The following NEO1 variants were observed in gnomAD, a reference collection of about 807,000 sequenced individuals.
NEO1 encodes the protein neogenin.
Under a neutral mutation model 159.7 loss-of-function variants are expected in NEO1, and 63 were observed. That is an observed-to-expected ratio of 0.39 (90% CI 0.32 to 0.49). The LOEUF is 0.49. Ranked by LOEUF, NEO1 falls within the 20% of genes least tolerant of loss-of-function variation. The pLI, the probability that NEO1 is intolerant of heterozygous loss-of-function variation, is 0.85. For missense variants in NEO1, 1,615 were observed against 1,831.0 expected, an observed-to-expected ratio of 0.88 and a Z score of 2.15; for synonymous variants, 633 against 662.0, an observed-to-expected ratio of 0.96 and a Z score of 0.67.
intron 5 of NEO1, among the ~76,000 whole-genome samples, chr15:73,148,128 G>A (rs2033080313): frequency 6.6e-6 from 1 of 152,020 alleles, no homozygotes; most frequent in Admixed American, 6.6e-5. Flanking sequence ...TGTTTTTCAT[G>A]TAGTATTTAC....
At chr15:73,092,866 C>T (rs1417537774) in intron 1 of NEO1, among the ~76,000 whole-genome samples, 1 of 152,148 alleles carries the variant, frequency 6.6e-6, no homozygotes, top group African/African-American at 2.4e-5. Context: ...ATTAGTAAAC[C>T]TATATTGATA....
intron 2 of NEO1, among the ~76,000 whole-genome samples, chr15:73,122,108 AT>A (rs2071700053): frequency 1.5e-5 from 1 of 68,946 alleles, no homozygotes; most frequent in Non-Finnish European, 2.9e-5. Flanking sequence ...CATTATATAT[AT>A]TATATATATG....
intron 1 of NEO1, among the ~76,000 whole-genome samples, chr15:73,062,389 TACGTAATTA>T (rs941598623): frequency 1.4e-4 from 22 of 152,212 alleles, no homozygotes; most frequent in African/African-American, 5.1e-4. Context: ...ATATAGATAA[TACGTAATTA>T]AGAATAGGAA....
In NEO1 at chr15:73,211,004, A is replaced by G. The variant is rs192888585; in HGVS notation, c.1292-25343A>G. Reference sequence around the variant, plus strand: ...AGAAAACGAATGTCATAACATAAAAATACATAAACATTTTTTACAATGACC... The same window carrying G: ...AGAAAACGAATGTCATAACATAAAAGTACATAAACATTTTTTACAATGACC... On this transcript the variant is annotated intron_variant, in intron 7 of 28. Coordinates refer to ENST00000261908, the MANE Select transcript of NEO1 (RefSeq NM_002499.4). 9.6e-4 allele frequency among the ~76,000 whole-genome samples: 146 copies of G among 152,358 alleles called. 1 individual carries two copies. The highest frequency in any genetic ancestry group is 3.2e-3 in the African/African-American group (134 of 41,594).
At chr15:73,215,943 T>A (rs930982460) in intron 7 of NEO1, among the ~76,000 whole-genome samples, 52 of 152,234 alleles carry the variant, frequency 3.4e-4, no homozygotes, top group East Asian at 7.7e-4. Flanking sequence ...AATTTTTTTT[T>A]AATTATACTT....
intron 8 of NEO1, among the ~76,000 whole-genome samples, chr15:73,242,681 A>T (rs1013739976): frequency 1.3e-5 from 2 of 152,172 alleles, no homozygotes; most frequent in Admixed American, 6.5e-5. Flanking sequence ...AAACAAACAA[A>T]CAAAAAAATC....
At position 73,298,629 on chromosome 15, in the gene NEO1, C is replaced by T; in HGVS notation, c.4165+18C>T. The T allele has an allele frequency of 1.2e-6, 2 of 1,613,752 alleles. No homozygotes were observed. Among genetic ancestry groups the T allele is most frequent in the South Asian group, 2.2e-5 (2 of 91,048 alleles). ...CCAGCAAGGTGAGTGAGGATGGCAG[C>T]ACACCTGGAGGGAGCACACCTGGAG... On this transcript the variant is annotated intron_variant, in intron 27 of 28. Transcript: ENST00000261908.
chr15:73,056,457 G>A (rs1722081468), intron 1 of NEO1, among the ~76,000 whole-genome samples: 1 of 152,140 alleles, frequency 6.6e-6, no homozygotes. Flanking sequence ...CCTCTGAAGG[G>A]GTTGGCCGGG....
chr15:73,118,359 C>T (rs1477594646), intron 2 of NEO1, among the ~76,000 whole-genome samples: 1 of 152,136 alleles, frequency 6.6e-6, no homozygotes, highest in Admixed American at 6.6e-5. Context: ...TCTTAAATAA[C>T]AGGCCTGTTG....
chr15:73,132,034 G>A (rs2031197681), intron 4 of NEO1, among the ~76,000 whole-genome samples: 1 of 152,144 alleles, frequency 6.6e-6, no homozygotes, highest in African/African-American at 2.4e-5. Context: ...CTAATTTCCT[G>A]GCAGGTTCTT....
At chr15:73,187,050 G>T (rs1460176755) in intron 7 of NEO1, among the ~76,000 whole-genome samples, 1 of 152,108 alleles carries the variant, frequency 6.6e-6, no homozygotes, top group Non-Finnish European at 1.5e-5. Context: ...GATGTGTAGG[G>T]TAGAATTGAA....
Position 73,269,963 on chromosome 15 carries a change from G to T in NEO1, c.2495-47G>T. 3 of 1,419,684 alleles carry T rather than the reference G, an allele frequency of 2.1e-6. No homozygotes were observed. Among genetic ancestry groups the T allele is most frequent in the South Asian group, 1.2e-5 (1 of 85,524 alleles). The allele number at this position is 1,419,684 out of a possible 1,614,324, so 87.9% of individuals were successfully genotyped here. ...TGCATTTCCCTTTTATTTTATTTTTGTTTACATTAAAATGCCACTTCCCTT... is the reference window on the plus strand; with the variant it reads ...TGCATTTCCCTTTTATTTTATTTTTTTTTACATTAAAATGCCACTTCCCTT... On this transcript the variant is annotated intron_variant, in intron 16 of 28. Coordinates refer to ENST00000261908, the MANE Select transcript of NEO1 (RefSeq NM_002499.4).
rs140339712 is a variant in NEO1 at position 73,259,617 on chromosome 15, G to A, written c.2204-654G>A. On this transcript the variant is annotated intron_variant, in intron 14 of 28. Transcript: ENST00000261908. ...GATTCTTTCTCCTTGGCCTTGCAAA[G>A]TGCTGGGACAACAGACATGAGCCAC... Among the ~76,000 whole-genome samples, 131 of 152,156 alleles carry A rather than the reference G, an allele frequency of 8.6e-4. 1 individual carries two copies. The highest frequency in any genetic ancestry group is 3.1e-3 in the African/African-American group (127 of 41,514).
chr15:73,108,547 A>G (rs898253377), intron 1 of NEO1, among the ~76,000 whole-genome samples: 3 of 151,760 alleles, frequency 2.0e-5, no homozygotes, highest in African/African-American at 7.3e-5. Flanking sequence ...AAAAGGATAA[A>G]ACAAAACAAC....
At chr15:73,200,226 C>CTATTCAGG (rs1217885179) in intron 7 of NEO1, among the ~76,000 whole-genome samples, 2 of 152,056 alleles carry the variant, frequency 1.3e-5, no homozygotes, top group Non-Finnish European at 2.9e-5. Context: ...AGACATAGGG[C>CTATTCAGG]TATTCAGGTA....
At chr15:73,227,195 T>C (rs988465183) in intron 7 of NEO1, among the ~76,000 whole-genome samples, 17 of 152,140 alleles carry the variant, frequency 1.1e-4, no homozygotes, top group African/African-American at 3.9e-4. Context: ...GATGACTTAC[T>C]CAATATAAAG....
chr15:73,119,368 A>C (rs1016443636), intron 2 of NEO1, among the ~76,000 whole-genome samples: 5 of 152,234 alleles, frequency 3.3e-5, no homozygotes, highest in African/African-American at 1.2e-4. Context: ...ATTGTAGCCA[A>C]GTCAAGCAAG....
At chr15:73,213,359 G>C (rs2037690534) in intron 7 of NEO1, among the ~76,000 whole-genome samples, 1 of 151,986 alleles carries the variant, frequency 6.6e-6, no homozygotes, top group Admixed American at 6.6e-5. Context: ...TGAGATTTTG[G>C]TTCACCCATC....
At chr15:73,131,720 A>G (rs1420291025) in intron 4 of NEO1, among the ~76,000 whole-genome samples, 1 of 152,066 alleles carries the variant, frequency 6.6e-6, no homozygotes, top group Non-Finnish European at 1.5e-5. Context: ...TCAACCCCCT[A>G]CCCACTTTTA....
Sources: allele counts gnomAD v4.1 joint callset (sites outside exome capture counted in the v4.1 genomes callset), GRCh38; gene constraint gnomAD v4.1.1; transcripts MANE v1.5; gene names NCBI Gene and HGNC (gene_info 2026-07-23, HGNC 2026-07-21).